The following ZNF638 variants were observed in gnomAD, a reference collection of about 807,000 sequenced individuals.
The protein encoded by ZNF638 is CTCL tumor antigen se33-1.
ZNF638 carries 46 observed loss-of-function variants against 195.6 expected under a neutral mutation model. The ratio of observed to expected loss-of-function variants is 0.24; its 90% CI spans 0.19 to 0.30. The LOEUF is 0.30. Among genes scored for constraint, ZNF638 ranks in the 10% least tolerant of loss-of-function variants. The pLI is 1.00. For missense variants in ZNF638, 2,440 were observed against 2,325.3 expected (o/e 1.05, Z -1.01); for synonymous variants, 845 against 772.0 (o/e 1.09, Z -1.57).
chr2:71,341,782 G>A (rs2078766138), intron 1 of ZNF638: 1 of 152,042 alleles, frequency 6.6e-6, no homozygotes, highest in Non-Finnish European at 1.5e-5. Flanking sequence ...GAGCTCCTGG[G>A]GTTAAAGGAG....
At chr2:71,338,650 TTTTA>T (rs138494022) in intron 1 of ZNF638, among the ~76,000 whole-genome samples, 1,684 of 152,360 alleles carry the variant, frequency 0.011, 15 homozygotes, top group Non-Finnish European at 0.018. Flanking sequence ...ATAAATCGTT[TTTTA>T]TTTATTTATT....
intron 20 of ZNF638, among the ~76,000 whole-genome samples, chr2:71,417,100 C>A (rs1014861507): frequency 7.8e-6 from 1 of 128,662 alleles, no homozygotes. Context: ...GCAGTTTGAT[C>A]TCAGAGTGCT....
intron 3 of ZNF638, among the ~76,000 whole-genome samples, chr2:71,361,439 C>T (rs1407825817): frequency 2.0e-5 from 3 of 152,090 alleles, no homozygotes; most frequent in African/African-American, 7.3e-5. Flanking sequence ...AATGACAGCA[C>T]CTATAGTGAA....
At chr2:71,364,653 C>T (rs1303899098) in intron 5 of ZNF638, among the ~76,000 whole-genome samples, 2 of 152,090 alleles carry the variant, frequency 1.3e-5, no homozygotes, top group African/African-American at 4.8e-5. Flanking sequence ...TGAAAGAAAC[C>T]ATAGTTAATA....
At chr2:71,345,809 C>T (rs1156641275) in intron 1 of ZNF638, among the ~76,000 whole-genome samples, 1 of 152,120 alleles carries the variant, frequency 6.6e-6, no homozygotes, top group African/African-American at 2.4e-5. Flanking sequence ...CTCACCTGGC[C>T]TCTCATAGAC....
chr2:71,383,762 C>CTTTTTCTTTTT (rs2079579464), intron 10 of ZNF638, among the ~76,000 whole-genome samples: 1 of 76,720 alleles, frequency 1.3e-5, no homozygotes, highest in African/African-American at 5.2e-5. Context: ...TTTTCTTTTT[C>CTTTTTCTTTTT]TTTTTTTTTT....
chr2:71,380,249 G>C lies in ZNF638; in HGVS notation c.2293G>C (p.Glu765Gln). 6.4e-7 allele frequency: 1 copy of C among 1,567,586 alleles called. No homozygotes were observed. Among genetic ancestry groups the C allele is most frequent in the Non-Finnish European group, 8.6e-7 (1 of 1,162,630 alleles). Reference protein sequence around the residue: ...QNKEVKKKTLESKKVSASTLK... With the variant: ...QNKEVKKKTLQSKKVSASTLK... ...CAAAGAGGTGAAGAAAAAGACTTTA[G>C]AGTCAAAGAAAGTATCTGCATCTAC... Residue 765 changes from glutamate to glutamine, a missense_variant, in exon 9 of 28, where the codon GAG becomes CAG. Transcript: ENST00000264447.
At chr2:71,363,530 A>G (rs565840085) in intron 4 of ZNF638, among the ~76,000 whole-genome samples, 1 of 152,354 alleles carries the variant, frequency 6.6e-6, no homozygotes, top group South Asian at 2.1e-4. Context: ...ACACACACGT[A>G]CACACACATA....
intron 2 of ZNF638, among the ~76,000 whole-genome samples, chr2:71,353,709 A>C (rs529390803): frequency 6.6e-6 from 1 of 152,158 alleles, no homozygotes; most frequent in Non-Finnish European, 1.5e-5. Flanking sequence ...GTATTACTGT[A>C]TCTTCCTATT....
chr2:71,359,590 A>G (rs1369103581), intron 3 of ZNF638, among the ~76,000 whole-genome samples: 1 of 152,204 alleles, frequency 6.6e-6, no homozygotes, highest in African/African-American at 2.4e-5. Flanking sequence ...TGCCTCACCA[A>G]CCATCTAAGC....
rs1201258593 is a variant in ZNF638, at chr2:71,426,698, C to G, written c.4829C>G (p.Ala1610Gly). ...TLDEIGEEED[A>G]AAHLAQALVT... ...GATGAGATTGGGGAAGAGGAAGATG[C>G]AGCTGCACATCTAGCACAAGCTCTA... The change falls in exon 24 of 28, where the codon GCA becomes GGA. Residue 1610 changes from alanine to glycine, a missense_variant. By Grantham distance (60) the Ala-to-Gly change is moderately conservative. Coordinates refer to ENST00000264447, the MANE Select transcript of ZNF638 (RefSeq NM_014497.5). The G allele has an allele frequency of 4.6e-5, 74 of 1,614,034 alleles. No homozygotes were observed. The highest frequency in any genetic ancestry group is 6.1e-5 in the Non-Finnish European group (72 of 1,180,024).
chr2:71,358,487 T>C (rs2079059357), intron 3 of ZNF638, among the ~76,000 whole-genome samples: 1 of 152,246 alleles, frequency 6.6e-6, no homozygotes, highest in Admixed American at 6.5e-5. Context: ...AGCACCTGTA[T>C]GCTGGTAAGA....
intron 10 of ZNF638, among the ~76,000 whole-genome samples, chr2:71,392,570 GT>G (rs1008269355): frequency 1.3e-5 from 2 of 152,170 alleles, no homozygotes; most frequent in Admixed American, 1.3e-4. Context: ...AACATACACA[GT>G]TTTATCACAC....
At position 71,403,964 on chromosome 2, in the gene ZNF638, G is replaced by A. The variant is rs764745314; in HGVS notation, c.2924G>A (p.Ser975Asn). The A allele has an allele frequency of 3.7e-6, 6 of 1,612,440 alleles. No homozygotes were observed. Among genetic ancestry groups the A allele is most frequent in the South Asian group, 1.1e-5 (1 of 90,876 alleles). The change falls in exon 17 of 28, where the codon AGT (serine) becomes AAT (asparagine). Residue 975 changes from serine (S) to asparagine (N), a missense_variant. Coordinates refer to ENST00000264447, the MANE Select transcript of ZNF638 (RefSeq NM_014497.5). ...VLMDGNQLSI[S>N]MAPENMNIKD... ...ATGGATGGAAATCAACTCTCAATAA[G>A]TATGGCTCCTGAAAACATGAATATA...
rs2080473108 is a variant in ZNF638, at chr2:71,423,469, G to A, written c.3955G>A (p.Glu1319Lys). 1.2e-6 allele frequency: 2 copies of A among 1,613,314 alleles called. No individual in the cohort carries two copies. The highest frequency in any genetic ancestry group is 2.2e-5 in the East Asian group (1 of 44,882). Residue 1319 changes from glutamate (E) to lysine (K), a missense_variant, in exon 22 of 28, where the codon GAA becomes AAA. Physicochemically the swap from Glu to Lys is moderately conservative, Grantham distance 56. Coordinates refer to ENST00000264447, the MANE Select transcript of ZNF638 (RefSeq NM_014497.5). ...GGAGGAGAAGGAATTTAATACTAAG[G>A]AAACCAGAATGGATCTTCAAATAGG... ...EKEEKEFNTK[E>K]TRMDLQIGTE...
At chr2:71,364,295 T>G in intron 5 of ZNF638, 43 bp downstream of exon 5, 1 of 1,527,032 alleles carries the variant, frequency 6.5e-7, no homozygotes. Context: ...TTATTTTGAC[T>G]AAATTTTTAA....
intron 10 of ZNF638, among the ~76,000 whole-genome samples, chr2:71,390,020 T>C (rs923390389): frequency 2.0e-5 from 3 of 152,208 alleles, no homozygotes; most frequent in African/African-American, 7.2e-5. Flanking sequence ...CAAATTGTTT[T>C]CTGTGTGGAG....
At chr2:71,388,809 C>A in intron 10 of ZNF638, 1 of 760,456 alleles carries the variant, frequency 1.3e-6, no homozygotes, top group Non-Finnish European at 2.3e-6. Flanking sequence ...GCTGTCCGCA[C>A]AACAGAAACA....
intron 8 of ZNF638, among the ~76,000 whole-genome samples, chr2:71,377,524 G>A (rs971278024): frequency 5.9e-5 from 9 of 152,240 alleles, no homozygotes; most frequent in East Asian, 3.9e-4. Flanking sequence ...AGATAAAAGC[G>A]AAAATACGCA....
Sources: allele counts gnomAD v4.1 joint callset (sites outside exome capture counted in the v4.1 genomes callset), GRCh38; gene constraint gnomAD v4.1.1; transcripts MANE v1.5; gene names NCBI Gene and HGNC (gene_info 2026-07-23, HGNC 2026-07-21).